ACOT11: variants seen among roughly 807,000 people sequenced by gnomAD.
ACOT11 encodes acyl-CoA thioesterase 11.
ACOT11 carries 69 observed loss-of-function variants against 77.5 expected under a neutral mutation model. The ratio of observed to expected loss-of-function variants is 0.89; its 90% confidence interval spans 0.73 to 1.09. The LOEUF is 1.09. ACOT11 is among the 50% of genes least tolerant of loss of function. ACOT11 has a pLI of 0.00. For synonymous variants in ACOT11, 279 were observed against 313.0 expected (o/e 0.89, Z 1.15); for missense variants, 766 against 813.7 (o/e 0.94, Z 0.71).
chr1:54,597,648 TC>T (rs1350660504), intron 7 of ACOT11: 2 of 570,966 alleles, frequency 3.5e-6, no homozygotes, highest in Non-Finnish European at 6.2e-6. Flanking sequence ...CACTAGATCC[TC>T]CCCTTGATCT....
chr1:54,563,105 G>A (rs1450314811), intron 1 of ACOT11, among the ~76,000 whole-genome samples: 1 of 151,980 alleles, frequency 6.6e-6, no homozygotes, highest in African/African-American at 2.4e-5. Context: ...TCCTCCAGCC[G>A]CTGCCTCCCG....
intron 15 of ACOT11, among the ~76,000 whole-genome samples, chr1:54,616,616 G>A (rs557293591): frequency 2.6e-5 from 4 of 152,024 alleles, no homozygotes; most frequent in African/African-American, 2.4e-5. Context: ...CAAGTGATCC[G>A]CCCACCTCAG....
intron 6 of ACOT11, among the ~76,000 whole-genome samples, chr1:54,596,678 A>G (rs1419728593): frequency 6.6e-6 from 1 of 152,024 alleles, no homozygotes; most frequent in East Asian, 1.9e-4. Flanking sequence ...GGTTCAAGTG[A>G]TTCTCGTGGC....
intron 15 of ACOT11, among the ~76,000 whole-genome samples, chr1:54,617,461 TAAAAA>T (rs35936174): frequency 5.2e-5 from 7 of 134,018 alleles, no homozygotes; most frequent in Non-Finnish European, 6.5e-5. Context: ...CACTTTCTGT[TAAAAA>T]AAAAAAAAAA....
At position 54,603,867 on chromosome 1, in the gene ACOT11, C is replaced by T. The variant is rs868315115; in HGVS notation, c.1086-4C>T. On this transcript the variant is annotated splice_polypyrimidine_tract_variant and splice_region_variant and intron_variant, in intron 10 of 15. Coordinates refer to ENST00000343744, the MANE Select transcript of ACOT11 (RefSeq NM_147161.4). ...CCAAGGTTGTCATCTTCTCTCCTTC[C>T]CAGGAAGTACATCGTGTCCTGTAAG... 6.2e-7 allele frequency: 1 copy of T among 1,613,960 alleles called. No homozygotes were observed. Among genetic ancestry groups the T allele is most frequent in the Non-Finnish European group, 8.5e-7 (1 of 1,179,900 alleles).
At chr1:54,571,227 T>C (rs1177089985) in intron 1 of ACOT11, among the ~76,000 whole-genome samples, 1 of 152,214 alleles carries the variant, frequency 6.6e-6, no homozygotes, top group East Asian at 1.9e-4. Flanking sequence ...TCTGAAGCCC[T>C]TGGGCCTTGC....
chr1:54,594,759 C>T, intron 6 of ACOT11, 68 bp downstream of exon 6: 1 of 1,543,134 alleles, frequency 6.5e-7, no homozygotes. Flanking sequence ...GCCCCGGGCT[C>T]CCACTGGGCA....
At position 54,564,726 on chromosome 1, in the gene ACOT11, C is replaced by T. The variant is rs146635823; in HGVS notation, c.33+16384C>T. Among the ~76,000 whole-genome samples, 143 of 152,302 alleles carry T rather than the reference C, an allele frequency of 9.4e-4. 2 individuals are homozygous for T. The highest frequency in any genetic ancestry group is 3.2e-3 in the African/African-American group (134 of 41,550). ...GAGGGACAAGTGGGAGGTCCGAAGT[C>T]GGAAGACTCTGGCTGGTTCTTGACC... On this transcript the variant is annotated intron_variant, in intron 1 of 15. Transcript: ENST00000343744.
In ACOT11 at chr1:54,584,693, G is replaced by C. The variant is rs1654434862; in HGVS notation, c.72G>C (p.Lys24Asn). The change falls in exon 2 of 16, where the codon AAG becomes AAC. Residue 24 changes from lysine (K) to asparagine (N), a missense_variant. Lys to Asn is a moderately conservative substitution (Grantham distance 94). Coordinates refer to ENST00000343744, the MANE Select transcript of ACOT11 (RefSeq NM_147161.4). The surrounding 1 kb of genome is among the most constrained non-coding windows in gnomAD (Gnocchi z 6.3). ...TGTTCTCCAACCGCACATCCCGGAA[G>C]TCAGCCTTACGTGCGGGGAACGACA... is the stretch of plus-strand genomic sequence containing the variant. Reference protein sequence around the residue: ...ASVFSNRTSRKSALRAGNDSA... With the variant: ...ASVFSNRTSRNSALRAGNDSA... 1 of 1,614,086 alleles carries C rather than the reference G, an allele frequency of 6.2e-7. No individual in the cohort carries two copies. Among genetic ancestry groups the C allele is most frequent in the Admixed American group, 1.7e-5 (1 of 60,006 alleles).
chr1:54,590,137 C>G (rs1371735586), intron 3 of ACOT11, among the ~76,000 whole-genome samples: 1 of 151,714 alleles, frequency 6.6e-6, no homozygotes, highest in Non-Finnish European at 1.5e-5. Flanking sequence ...ACCCACCAAT[C>G]CTCCACCAGC....
rs1215490479 is a variant in ACOT11, at chr1:54,609,208, TC to T, written c.*98del. On this transcript the variant is annotated 3_prime_UTR_variant, in exon 16 of 16. Transcript: ENST00000343744. ...GAGAAAGCCAAAGACCTTTATTTCT[TC>T]CTGCCTCCCCGTGGGAAGCCTCCGC... 13 of 1,591,494 alleles carry T rather than the reference TC, an allele frequency of 8.2e-6. No individual in the cohort carries two copies. The Admixed American group carries it at 1.9e-4, about 23-fold the overall frequency.
chr1:54,610,560 G>A, downstream of ACOT11: 1 of 1,609,348 alleles, frequency 6.2e-7, no homozygotes, highest in Non-Finnish European at 8.5e-7. Context: ...CATTCACTGT[G>A]GGGCCCCAAA....
chr1:54,573,226 C>T, intron 1 of ACOT11: 2 of 985,438 alleles, frequency 2.0e-6, no homozygotes, highest in South Asian at 4.7e-5. Context: ...GAGAGAGAAG[C>T]AGTTGTACAA....
At chr1:54,636,228 C>T (rs1644329737) in exon 17 of ACOT11, 1 of 152,146 alleles carries the variant, frequency 6.6e-6, no homozygotes, top group Admixed American at 6.5e-5. Context: ...AAAGTGGGCC[C>T]AGGGGACCAG....
chr1:54,638,113 C>T (rs1397242440), exon 17 of ACOT11: 3 of 151,208 alleles, frequency 2.0e-5, no homozygotes, highest in Non-Finnish European at 4.4e-5. Context: ...TGAGCTGCTG[C>T]ATCTGGCCCA....
At chr1:54,632,977 C>T (rs1350963097) in intron 16 of ACOT11, among the ~76,000 whole-genome samples, 1 of 152,076 alleles carries the variant, frequency 6.6e-6, no homozygotes, top group East Asian at 1.9e-4. Flanking sequence ...GTTCTAATTC[C>T]AGAACAATCA....
chr1:54,608,912 C>G (rs778319544), intron 15 of ACOT11, 45 bp from the exon 16 acceptor site: 1 of 1,597,100 alleles, frequency 6.3e-7, no homozygotes, highest in Non-Finnish European at 8.6e-7. Flanking sequence ...TTCCCAGGAC[C>G]CTCCCCTAGC....
Position 54,607,948 on chromosome 1 carries a change from CTA to C in ACOT11, c.1511_1512del (p.Tyr504CysfsTer64). 1 of 1,613,968 alleles carries C rather than the reference CTA, an allele frequency of 6.2e-7. No homozygotes were observed. On this transcript the variant is annotated frameshift_variant, in exon 15 of 16. Transcript: ENST00000343744. LOFTEE classifies it high-confidence loss of function. This position sits in a 1 kb window ranked among gnomAD's most constrained non-coding sequence, Gnocchi z 4.5. Reference sequence around the variant, plus strand: ...CTACCCTTCCTTCACTCAGGGACCCCTATGTCATCGCGCTGAGGTCGGTCACG... The same window carrying C: ...CTACCCTTCCTTCACTCAGGGACCCCTGTCATCGCGCTGAGGTCGGTCACG... ...RRKPCDNGDP[Y>X]VIALRSVTLP...
chr1:54,615,952 A>G, intron 15 of ACOT11: 1 of 1,536,008 alleles, frequency 6.5e-7, no homozygotes, highest in Non-Finnish European at 8.9e-7. Flanking sequence ...CCAGTGAGGG[A>G]TCTCTGCACA....
Sources: gnomAD v4.1 joint callset for allele counts (sites outside exome capture counted in the v4.1 genomes callset) on GRCh38, gnomAD v4.1.1 for gene constraint, Gnocchi (gnomAD v3.1) non-coding constraint, MANE v1.5 for transcripts, NCBI Gene and HGNC (gene_info 2026-07-23, HGNC 2026-07-21) for gene names.